Variants in USP31 observed in about 807,000 individuals in gnomAD.
USP31 encodes ubiquitin carboxyl-terminal hydrolase 31.
A neutral mutation model predicts 119.4 loss-of-function variants in USP31; 44 were observed. The observed-to-expected ratio is 0.37, with a 90% CI of 0.29 to 0.47. The LOEUF is 0.47. USP31 is among the 20% of genes least tolerant of loss of function. USP31 has a pLI of 0.99. For synonymous variants in USP31, 749 were observed against 705.6 expected (o/e 1.06, Z -0.97); for missense variants, 1,643 against 1,730.2 (o/e 0.95, Z 0.89).
At chr16:23,094,694 G>A (rs1901524775) in intron 6 of USP31, among the ~76,000 whole-genome samples, 1 of 152,126 alleles carries the variant, frequency 6.6e-6, no homozygotes, top group African/African-American at 2.4e-5. Context: ...AGCCTCTACT[G>A]GTGATACCCA....
At chr16:23,124,540 C>A (rs1465532479) in intron 1 of USP31, among the ~76,000 whole-genome samples, 3 of 152,164 alleles carry the variant, frequency 2.0e-5, no homozygotes, top group Middle Eastern at 3.2e-3. Context: ...CACTAGAACA[C>A]TGGAGATATA....
chr16:23,090,667 G>A lies in USP31; in HGVS notation c.1372C>T (p.Leu458=), dbSNP rs1901318409. 2 of 1,613,830 alleles carry A rather than the reference G, an allele frequency of 1.2e-6. No homozygotes were observed. Among genetic ancestry groups the A allele is most frequent in the Admixed American group, 1.7e-5 (1 of 59,990 alleles). Residue 458 remains leucine (L), a synonymous_variant, in exon 7 of 16, where the codon CTG becomes TTG. Coordinates refer to ENST00000219689, the MANE Select transcript of USP31 (RefSeq NM_020718.4). ...GTGCAGGCTCGGTTACACACCAACAGGACAATCTTGTCGCTGCCTGCTCTT... is the reference window on the plus strand; with the variant it reads ...GTGCAGGCTCGGTTACACACCAACAAGACAATCTTGTCGCTGCCTGCTCTT... ...TSRAGSDKIV[L]LVCNRACTGQ...
chr16:23,105,289 T>C lies in USP31; in HGVS notation c.1089+152A>G, dbSNP rs1336199663. On this transcript the variant is annotated intron_variant, in intron 5 of 15. Coordinates refer to ENST00000219689, the MANE Select transcript of USP31 (RefSeq NM_020718.4). ...AAAGTTTCTATATACATTTTAGTCT[T>C]TGGGGCCTTGATTTTTTTCCCTAAA... 13 of 907,154 alleles carry C rather than the reference T, an allele frequency of 1.4e-5. No homozygotes were observed. The East Asian group carries it at 3.1e-4, about 22-fold the overall frequency. 56.2% of individuals were successfully genotyped at this position (907,154 alleles called of 1,614,324 possible). A position where few individuals can be genotyped will look rare whatever the true frequency, so the allele number is the denominator to read the frequency against.
At chr16:23,134,988 C>A (rs1046253114) in intron 1 of USP31, among the ~76,000 whole-genome samples, 4 of 151,304 alleles carry the variant, frequency 2.6e-5, no homozygotes, top group Non-Finnish European at 2.9e-5. Flanking sequence ...ACATCATAAC[C>A]AAATGGGATT....
chr16:23,063,089 AG>A lies in USP31; in HGVS notation c.*4956del, dbSNP rs1284777541. ...GGGACCCAGGCACTGTATTTTTTAA[AG>A]TTCCCCAGCTGATTCTAGTTAATGT... On this transcript the variant is annotated 3_prime_UTR_variant, in exon 16 of 16. Transcript: ENST00000219689. The A allele has an allele frequency of 1.3e-5, 2 of 152,244 alleles. No individual in the cohort carries two copies. Among genetic ancestry groups the A allele is most frequent in the Admixed American group, 1.3e-4 (2 of 15,284 alleles). 9.4% of individuals were successfully genotyped at this position (152,244 alleles called of 1,614,324 possible).
At chr16:23,147,179 G>A (rs1903538818) in intron 1 of USP31, among the ~76,000 whole-genome samples, 2 of 152,154 alleles carry the variant, frequency 1.3e-5, no homozygotes, top group South Asian at 4.2e-4. Flanking sequence ...CACGATCTCG[G>A]CTCACTGCAA....
intron 12 of USP31, among the ~76,000 whole-genome samples, chr16:23,080,538 T>C (rs78524060): frequency 0.018 from 2,741 of 152,314 alleles, 32 homozygotes; most frequent in South Asian, 0.035. Context: ...GATGGCTCCA[T>C]GAAGGGCAAA....
intron 1 of USP31, among the ~76,000 whole-genome samples, chr16:23,127,623 C>T (rs1311277333): frequency 6.6e-6 from 1 of 150,506 alleles, no homozygotes; most frequent in East Asian, 2.0e-4. Context: ...CCTACCACTG[C>T]GCCTGGCTAA....
At chr16:23,131,961 T>C (rs945510736) in intron 1 of USP31, among the ~76,000 whole-genome samples, 1 of 152,206 alleles carries the variant, frequency 6.6e-6, no homozygotes, top group Non-Finnish European at 1.5e-5. Context: ...ACCAGTCCTA[T>C]GAAATCTTCT....
intron 1 of USP31, among the ~76,000 whole-genome samples, chr16:23,110,069 C>T (rs778950108): frequency 1.3e-5 from 2 of 152,140 alleles, no homozygotes; most frequent in African/African-American, 2.4e-5. Context: ...CCAATGTTAG[C>T]TTCTTAGTTA....
rs567815367 is a variant in USP31 at position 23,118,562 on chromosome 16, T to C, written c.634-10379A>G. On this transcript the variant is annotated intron_variant, in intron 1 of 15. Coordinates refer to ENST00000219689, the MANE Select transcript of USP31 (RefSeq NM_020718.4). ...TCACTTCCAAAAGCACCAAAACTTATGGGAGGCTCCTTTGTCATAAGTGCA... is the reference window on the plus strand; with the variant it reads ...TCACTTCCAAAAGCACCAAAACTTACGGGAGGCTCCTTTGTCATAAGTGCA... Among the ~76,000 whole-genome samples the C allele has an allele frequency of 3.6e-4, 55 of 152,310 alleles. 1 individual carries two copies. In the South Asian group the frequency reaches 0.011, roughly 30 times the overall value.
At chr16:23,112,684 G>A (rs1490418403) in intron 1 of USP31, among the ~76,000 whole-genome samples, 1 of 152,092 alleles carries the variant, frequency 6.6e-6, no homozygotes, top group East Asian at 1.9e-4. Context: ...AAAGGCATTA[G>A]TATGTATAAT....
intron 5 of USP31, 105 bp from the exon 6 acceptor site, chr16:23,102,568 G>C (rs1418005068): frequency 7.5e-7 from 1 of 1,336,518 alleles, no homozygotes; most frequent in African/African-American, 1.5e-5. Flanking sequence ...GCAGTGGTCT[G>C]AGAGACATCT....
rs372530690 is a variant in USP31, at chr16:23,105,450, G to A, written c.1080C>T (p.Pro360=). ...REAVSMETKI[P]TDQIVLTEMY... is the part of the protein sequence containing the mutation. ...TTAGCAGACTTATTACCTGATCAGT[G>A]GGGATCTTTGTTTCCATAGACACTG... Residue 360 remains proline (P), a synonymous_variant, in exon 5 of 16, where the codon CCC becomes CCT. Transcript: ENST00000219689. The A allele has an allele frequency of 4.3e-6, 7 of 1,613,548 alleles. No homozygotes were observed. In the African/African-American group the frequency reaches 8.0e-5, roughly 18 times the overall value.
At position 23,073,750 on chromosome 16, in the gene USP31, C is replaced by T. The variant is rs114970625; in HGVS notation, c.2307G>A (p.Pro769=). ...CCACCGAGCTGTTGGCTGACCATGA[C>T]GGGATGGCTGTCCGCCTCTGGTAGA... ...ILFYQRRTAI[P]SWSANSSVAG... The change falls in exon 14 of 16, where the codon CCG becomes CCA. Residue 769 remains proline, a synonymous_variant. Coordinates refer to ENST00000219689, the MANE Select transcript of USP31 (RefSeq NM_020718.4). The T allele has an allele frequency of 1.1e-5, 18 of 1,613,076 alleles. No homozygotes were observed. Among genetic ancestry groups the T allele is most frequent in the Non-Finnish European group, 1.5e-5 (18 of 1,179,912 alleles).
Position 23,090,656 on chromosome 16 carries a change from A to G in USP31, c.1383T>C (p.Cys461=), listed in dbSNP as rs1567232170. Residue 461 remains cysteine, a synonymous_variant, in exon 7 of 16, where the codon TGT becomes TGC. Coordinates refer to ENST00000219689, the MANE Select transcript of USP31 (RefSeq NM_020718.4). ...CTTGTTGCCCAGTGCAGGCTCGGTT[A>G]CACACCAACAGGACAATCTTGTCGC... ...AGSDKIVLLV[C]NRACTGQQGK... 6.2e-7 allele frequency: 1 copy of G among 1,613,854 alleles called. No homozygotes were observed. The highest frequency in any genetic ancestry group is 8.5e-7 in the Non-Finnish European group (1 of 1,179,788).
chr16:23,091,786 T>C (rs1224677593), intron 6 of USP31, among the ~76,000 whole-genome samples: 1 of 152,180 alleles, frequency 6.6e-6, no homozygotes, highest in African/African-American at 2.4e-5. Context: ...AGCTGAATCT[T>C]TGTCAAGCCA....
intron 1 of USP31, among the ~76,000 whole-genome samples, chr16:23,144,880 A>C (rs753386262): frequency 6.6e-5 from 10 of 152,140 alleles, no homozygotes; most frequent in Non-Finnish European, 1.0e-4. Context: ...GAGTTACCTA[A>C]CCGGGGGAAT....
rs184558733 is a variant in USP31, at chr16:23,081,837, G to A, written c.1950+601C>T. 2.2e-4 allele frequency among the ~76,000 whole-genome samples: 33 copies of A among 152,252 alleles called. No individual in the cohort carries two copies. The East Asian group carries it at 5.0e-3, about 23-fold the overall frequency. On this transcript the variant is annotated intron_variant, in intron 12 of 15. Coordinates refer to ENST00000219689, the MANE Select transcript of USP31 (RefSeq NM_020718.4). ...TGCACACACTGCTCTCTCTGCCCCCGTGTGGGAGATCCCTGCTTCCACCTC... is the reference window on the plus strand; with the variant it reads ...TGCACACACTGCTCTCTCTGCCCCCATGTGGGAGATCCCTGCTTCCACCTC...
Sources: allele counts gnomAD v4.1 joint callset (sites outside exome capture counted in the v4.1 genomes callset), GRCh38; gene constraint gnomAD v4.1.1; transcripts MANE v1.5; gene names NCBI Gene and HGNC (gene_info 2026-07-23, HGNC 2026-07-21).